Variants in LINGO2 observed in about 807,000 individuals in gnomAD.
LINGO2 encodes leucine rich repeat and Ig domain containing 2.
In LINGO2, 14 loss-of-function variants were observed where a neutral mutation model predicts 30.6. That is an observed-to-expected ratio of 0.46 (90% CI 0.30 to 0.72). The LOEUF (loss-of-function observed/expected upper bound fraction) is 0.72. LINGO2 is among the 30% of genes least tolerant of loss of function. The pLI is 0.07. For synonymous variants in LINGO2, 317 were observed against 288.5 expected, an observed-to-expected ratio of 1.10 and a Z score of -1.00; for missense variants, 729 against 751.7, an observed-to-expected ratio of 0.97 and a Z score of 0.35.
the LINGO2 span, among the ~76,000 whole-genome samples, chr9:28,881,090 T>G: frequency 3.9e-5 from 6 of 152,092 alleles, no homozygotes; most frequent in Non-Finnish European, 8.8e-5. Flanking sequence ...GTATGCTGAG[T>G]GCCGGTCCCC....
the LINGO2 span, among the ~76,000 whole-genome samples, chr9:29,099,271 T>C: frequency 6.6e-6 from 1 of 152,178 alleles, no homozygotes; most frequent in African/African-American, 2.4e-5. Context: ...CTTCAAACTA[T>C]GAAACTACAA....
At chr9:28,306,992 C>A (rs967131023) in intron 3 of LINGO2, among the ~76,000 whole-genome samples, 4 of 152,014 alleles carry the variant, frequency 2.6e-5, no homozygotes, top group Non-Finnish European at 5.9e-5. Flanking sequence ...CCGAATTCTA[C>A]CAGAGGTACA....
intron 2 of LINGO2, among the ~76,000 whole-genome samples, chr9:28,456,738 T>A (rs1824866047): frequency 1.3e-5 from 2 of 152,192 alleles, no homozygotes; most frequent in African/African-American, 4.8e-5. Context: ...TATTTGCTAA[T>A]TTGAAGCTTC....
chr9:28,497,273 C>A lies in LINGO2; in HGVS notation c.-364-21248G>T, dbSNP rs549908596. Among the ~76,000 whole-genome samples the A allele has an allele frequency of 6.6e-5, 10 of 152,296 alleles. No homozygotes were observed. In the East Asian group the frequency reaches 1.7e-3, roughly 27 times the overall value. ...GAGTGTTTTCCAACTTGGTTCCATT[C>A]TCCCCACTACTTTCAGGTACACCAA... On this transcript the variant is annotated intron_variant, in intron 1 of 5. Coordinates refer to ENST00000379992, the Ensembl canonical transcript of LINGO2.
At chr9:28,333,350 T>C (rs1487559908) in intron 3 of LINGO2, among the ~76,000 whole-genome samples, 1 of 152,172 alleles carries the variant, frequency 6.6e-6, no homozygotes, top group Non-Finnish European at 1.5e-5. Flanking sequence ...GTAGGTCAAC[T>C]AGTAATTGTC....
At chr9:28,160,742 T>C (rs1258593646) in intron 4 of LINGO2, among the ~76,000 whole-genome samples, 1 of 152,220 alleles carries the variant, frequency 6.6e-6, no homozygotes, top group East Asian at 1.9e-4. Context: ...GGGAACAGTG[T>C]CTGGTAACAG....
chr9:28,211,740 T>C (rs1376673304), intron 4 of LINGO2, among the ~76,000 whole-genome samples: 1 of 151,454 alleles, frequency 6.6e-6, no homozygotes, highest in Non-Finnish European at 1.5e-5. Context: ...CCACTCACTC[T>C]TCCTTCTTTC....
At chr9:28,622,118 T>C (rs1391738484) in intron 1 of LINGO2, among the ~76,000 whole-genome samples, 2 of 152,070 alleles carry the variant, frequency 1.3e-5, no homozygotes, top group Non-Finnish European at 2.9e-5. Flanking sequence ...TCATAGCAAA[T>C]GAGGTATCCA....
At chr9:28,783,311 T>C in the LINGO2 span, among the ~76,000 whole-genome samples, 56 of 152,252 alleles carry the variant, frequency 3.7e-4, no homozygotes, top group South Asian at 0.011. Context: ...GTGCAAATCC[T>C]CCCATATTCT....
the LINGO2 span, among the ~76,000 whole-genome samples, chr9:28,677,243 A>C: frequency 2.2e-4 from 33 of 152,194 alleles, no homozygotes; most frequent in African/African-American, 8.0e-4. Context: ...CTGCTACACT[A>C]TCTCTGATTA....
intron 1 of LINGO2, among the ~76,000 whole-genome samples, chr9:28,554,876 C>A (rs543287804): frequency 1.4e-5 from 2 of 140,222 alleles, no homozygotes; most frequent in African/African-American, 5.8e-5. Flanking sequence ...GGAAACTGAA[C>A]AACCTGCTCC....
At chr9:28,491,302 G>A (rs1314865048) in intron 1 of LINGO2, among the ~76,000 whole-genome samples, 1 of 152,120 alleles carries the variant, frequency 6.6e-6, no homozygotes, top group South Asian at 2.1e-4. Flanking sequence ...TTTGGCTTGT[G>A]GCCACATCAC....
intron 2 of LINGO2, among the ~76,000 whole-genome samples, chr9:28,404,571 T>C (rs1822414388): frequency 6.6e-6 from 1 of 152,198 alleles, no homozygotes; most frequent in Non-Finnish European, 1.5e-5. Context: ...TATGAGAACC[T>C]ATAGCACTAC....
chr9:28,066,944 A>C (rs569006401), intron 4 of LINGO2, among the ~76,000 whole-genome samples: 17 of 152,192 alleles, frequency 1.1e-4, no homozygotes, highest in Non-Finnish European at 2.2e-4. Context: ...TACAGGCTAT[A>C]TTCAAAAGCC....
the LINGO2 span, among the ~76,000 whole-genome samples, chr9:28,984,203 C>T: frequency 5.3e-5 from 8 of 152,214 alleles, no homozygotes; most frequent in African/African-American, 1.9e-4. Context: ...TAGCCCCTGG[C>T]TCAGCCACAG....
At chr9:28,224,137 T>A (rs1821063556) in intron 4 of LINGO2, among the ~76,000 whole-genome samples, 1 of 152,154 alleles carries the variant, frequency 6.6e-6, no homozygotes, top group Admixed American at 6.5e-5. Flanking sequence ...CCATCTCGGC[T>A]CACTGCAAGC....
At chr9:28,746,155 A>G in the LINGO2 span, among the ~76,000 whole-genome samples, 1 of 151,968 alleles carries the variant, frequency 6.6e-6, no homozygotes, top group Admixed American at 6.6e-5. Context: ...TGACAATTAT[A>G]CTCACCTCTA....
At chr9:28,036,989 T>G (rs1156882224) in intron 4 of LINGO2, among the ~76,000 whole-genome samples, 1 of 152,174 alleles carries the variant, frequency 6.6e-6, no homozygotes, top group Non-Finnish European at 1.5e-5. Context: ...TTTACTGCAC[T>G]TAGTTACACA....
the LINGO2 span, among the ~76,000 whole-genome samples, chr9:28,899,470 T>C: frequency 6.6e-6 from 1 of 152,040 alleles, no homozygotes; most frequent in Non-Finnish European, 1.5e-5. Context: ...GGCTCCAGAC[T>C]GACCACAGCA....
Sources: gnomAD v4.1 joint callset for allele counts (sites outside exome capture counted in the v4.1 genomes callset) on GRCh38, gnomAD v4.1.1 for gene constraint, MANE v1.5 for transcripts, NCBI Gene and HGNC (gene_info 2026-07-23, HGNC 2026-07-21) for gene names.